Variants in CDK19 observed in about 807,000 individuals in gnomAD.
CDK19 encodes cyclin-dependent kinase 19.
CDK19 carries 20 observed loss-of-function variants against 68.3 expected under a neutral mutation model. The ratio of observed to expected loss-of-function variants is 0.29; its 90% CI spans 0.21 to 0.43. The LOEUF is 0.43. CDK19 is among the 20% of genes least tolerant of loss of function. The pLI is 1.00. For synonymous variants in CDK19, 221 were observed against 222.8 expected, an observed-to-expected ratio of 0.99 and a Z score of 0.07; for missense variants, 339 against 623.5, an observed-to-expected ratio of 0.54 and a Z score of 4.86.
chr6:110,734,893 T>G (rs1777121616), intron 2 of CDK19, among the ~76,000 whole-genome samples: 1 of 152,150 alleles, frequency 6.6e-6, no homozygotes, highest in Non-Finnish European at 1.5e-5. Context: ...AAATATTAAA[T>G]GCAAAATTAA....
chr6:110,646,630 A>G, intron 4 of CDK19: 1 of 591,712 alleles, frequency 1.7e-6, no homozygotes, highest in Non-Finnish European at 2.7e-6. Flanking sequence ...GGAAAAGACA[A>G]AGTTAGTTTT....
intron 4 of CDK19, among the ~76,000 whole-genome samples, chr6:110,661,380 T>C (rs577740202): frequency 3.0e-4 from 46 of 152,338 alleles, no homozygotes; most frequent in African/African-American, 9.9e-4. Context: ...TGTAATTCTA[T>C]GAAAAATTGG....
At chr6:110,653,398 C>T (rs1248328523) in intron 4 of CDK19, among the ~76,000 whole-genome samples, 2 of 152,096 alleles carry the variant, frequency 1.3e-5, no homozygotes, top group East Asian at 3.9e-4. Context: ...GCATACACAC[C>T]TTCACCCACA....
At chr6:110,794,687 G>A (rs1008461923) in intron 1 of CDK19, among the ~76,000 whole-genome samples, 4 of 151,974 alleles carry the variant, frequency 2.6e-5, no homozygotes, top group African/African-American at 4.8e-5. Flanking sequence ...ACAGGGGTGA[G>A]CCACCACGCC....
chr6:110,738,756 T>A (rs189606971), intron 2 of CDK19, among the ~76,000 whole-genome samples: 8 of 152,204 alleles, frequency 5.3e-5, no homozygotes, highest in Non-Finnish European at 8.8e-5. Context: ...CTTCATAAAT[T>A]TAAAAAAGCA....
Position 110,632,011 on chromosome 6 carries a change from T to C in CDK19, c.646+19A>G. ...GATCGTTAGATGACAAGATAGTAAA[T>C]CATTTTAGACCAACTTACCAATGGC... On this transcript the variant is annotated intron_variant, in intron 6 of 12. Coordinates refer to ENST00000368911, the MANE Select transcript of CDK19 (RefSeq NM_015076.5). 1 of 1,590,100 alleles carries C rather than the reference T, an allele frequency of 6.3e-7. No homozygotes were observed. The highest frequency in any genetic ancestry group is 8.6e-7 in the Non-Finnish European group (1 of 1,165,726).
At chr6:110,814,449 G>A (rs908634461) in intron 1 of CDK19, 1 of 361,100 alleles carries the variant, frequency 2.8e-6, no homozygotes, top group Non-Finnish European at 5.3e-6. Context: ...CCAACGGGCC[G>A]GCCAGCCCGA....
intron 1 of CDK19, among the ~76,000 whole-genome samples, chr6:110,755,956 G>GA (rs1036298583): frequency 1.3e-4 from 20 of 152,082 alleles, no homozygotes; most frequent in Admixed American, 1.1e-3. Context: ...GCATTTCAGA[G>GA]AAAAAAATAT....
chr6:110,762,312 A>G (rs1328124704), intron 1 of CDK19, among the ~76,000 whole-genome samples: 3 of 152,112 alleles, frequency 2.0e-5, no homozygotes, highest in East Asian at 1.9e-4. Context: ...TATTCCTCCT[A>G]TCAGACAAGA....
intron 4 of CDK19, among the ~76,000 whole-genome samples, chr6:110,666,707 A>G (rs1240267616): frequency 6.6e-6 from 1 of 152,172 alleles, no homozygotes; most frequent in African/African-American, 2.4e-5. Flanking sequence ...ACAAAAGATC[A>G]TGAAATCACG....
At chr6:110,635,884 T>TA (rs1779746566) in intron 5 of CDK19, among the ~76,000 whole-genome samples, 1 of 152,224 alleles carries the variant, frequency 6.6e-6, no homozygotes, top group South Asian at 2.1e-4. Context: ...ATCAAAGCAT[T>TA]AGGCATAGGC....
intron 2 of CDK19, among the ~76,000 whole-genome samples, chr6:110,682,657 A>G (rs77403129): frequency 1.3e-5 from 2 of 152,162 alleles, no homozygotes; most frequent in Non-Finnish European, 2.9e-5. Flanking sequence ...AGGGAGGTCA[A>G]TGTTCCCCTT....
At chr6:110,715,068 T>A (rs959440889) in intron 2 of CDK19, among the ~76,000 whole-genome samples, 1 of 152,138 alleles carries the variant, frequency 6.6e-6, no homozygotes. Context: ...GCCCGGTTTT[T>A]AATGGGGTTT....
At chr6:110,642,557 T>C (rs1237401344) in intron 4 of CDK19, among the ~76,000 whole-genome samples, 1 of 152,020 alleles carries the variant, frequency 6.6e-6, no homozygotes, top group African/African-American at 2.4e-5. Context: ...ATAAGTACCA[T>C]GGAAAAGAAA....
rs1778676711 is a variant in CDK19 at position 110,621,033 on chromosome 6, T to G, written c.1377+71A>C. 7.0e-7 allele frequency: 1 copy of G among 1,437,610 alleles called. No homozygotes were observed. Among genetic ancestry groups the G allele is most frequent in the African/African-American group, 1.4e-5 (1 of 70,670 alleles). The allele number at this position is 1,437,610 out of a possible 1,614,324, so 89.1% of individuals were successfully genotyped here. A position where few individuals can be genotyped will look rare whatever the true frequency, so the allele number is the denominator to read the frequency against. ...ATGTAAGAGTTAAGTGTTACTTAAC[T>G]CTAAAAGGATCTAGGATAAATCTTT... On this transcript the variant is annotated intron_variant, in intron 12 of 12. Transcript: ENST00000368911. This position sits in a 1 kb window ranked among gnomAD's most constrained non-coding sequence, Gnocchi z 5.4.
At chr6:110,791,392 G>A (rs1781586782) in intron 1 of CDK19, among the ~76,000 whole-genome samples, 1 of 151,980 alleles carries the variant, frequency 6.6e-6, no homozygotes. Flanking sequence ...ATTGATGGAA[G>A]GGTTGTAGAT....
chr6:110,735,158 G>A (rs544951309), intron 2 of CDK19, among the ~76,000 whole-genome samples: 4 of 150,402 alleles, frequency 2.7e-5, no homozygotes, highest in Middle Eastern at 6.8e-3. Context: ...TTTTGCCCAG[G>A]CTGGTCTCAA....
chr6:110,664,125 C>T (rs1038967965), intron 4 of CDK19, among the ~76,000 whole-genome samples: 1 of 152,198 alleles, frequency 6.6e-6, no homozygotes, highest in African/African-American at 2.4e-5. Flanking sequence ...CATGACCTCA[C>T]ATTACTGCAA....
intron 5 of CDK19, among the ~76,000 whole-genome samples, chr6:110,634,620 C>T (rs950973887): frequency 1.3e-5 from 2 of 152,220 alleles, no homozygotes; most frequent in African/African-American, 4.8e-5. Flanking sequence ...CAAAGGAAGC[C>T]TGTGCTGATA....
Sources: gnomAD v4.1 joint callset for allele counts (sites outside exome capture counted in the v4.1 genomes callset) on GRCh38, gnomAD v4.1.1 for gene constraint, Gnocchi (gnomAD v3.1) non-coding constraint, MANE v1.5 for transcripts, NCBI Gene and HGNC (gene_info 2026-07-23, HGNC 2026-07-21) for gene names.